Variants in UNC13C observed in about 807,000 individuals in gnomAD.
UNC13C encodes protein unc-13 homolog C.
In UNC13C, 174 loss-of-function variants were observed where a neutral mutation model predicts 245.4. The ratio of observed to expected loss-of-function variants is 0.71; its 90% CI spans 0.63 to 0.80. The LOEUF (loss-of-function observed/expected upper bound fraction) is 0.80. Ranked by LOEUF, UNC13C falls within the 30% of genes least tolerant of loss-of-function variation. The pLI, the probability that UNC13C is intolerant of heterozygous loss-of-function variation, is 0.00. For missense variants in UNC13C, 2,829 were observed against 2,602.9 expected, an observed-to-expected ratio of 1.09 and a Z score of -1.89; for synonymous variants, 992 against 895.1, an observed-to-expected ratio of 1.11 and a Z score of -1.93.
chr15:54,494,733 T>C lies in UNC13C; in HGVS notation c.5059T>C (p.Leu1687=), dbSNP rs775339564. The change falls in exon 20 of 33, where the codon TTG becomes CTG. Residue 1687 remains leucine (L), a splice_region_variant and synonymous_variant. Coordinates refer to ENST00000260323, the MANE Select transcript of UNC13C (RefSeq NM_001080534.3). ...CAAGGATGCTGTTCCTGAATACTCC[T>C]TGTAAGTAGTGATTTTAACACACAC... ...AFKDAVPEYS[L]WFEPFVMQWL... 2 of 1,609,942 alleles carry C rather than the reference T, an allele frequency of 1.2e-6. No individual in the cohort carries two copies. Among genetic ancestry groups the C allele is most frequent in the Admixed American group, 1.7e-5 (1 of 59,286 alleles).
At chr15:54,626,665 C>T (rs11852668) in intron 32 of UNC13C, among the ~76,000 whole-genome samples, 163 bp from the exon 33 acceptor site, 92,480 of 151,862 alleles carry the variant, frequency 0.61, 28,494 homozygotes, top group Middle Eastern at 0.69. Context: ...TTTTAACATT[C>T]GCTTTCTAAG....
chr15:54,423,822 A>C (rs545886784), intron 19 of UNC13C, among the ~76,000 whole-genome samples: 1 of 151,836 alleles, frequency 6.6e-6, no homozygotes, highest in South Asian at 2.1e-4. Flanking sequence ...TTTTCCTGCT[A>C]TTAGTTTTTC....
chr15:54,005,553 T>C (rs1314274932), intron 1 of UNC13C, among the ~76,000 whole-genome samples: 1 of 152,184 alleles, frequency 6.6e-6, no homozygotes, highest in Admixed American at 6.5e-5. Context: ...TGGCATATAA[T>C]AGACATTAAA....
At chr15:54,183,048 A>G (rs934837880) in intron 4 of UNC13C, among the ~76,000 whole-genome samples, 2 of 152,046 alleles carry the variant, frequency 1.3e-5, no homozygotes, top group African/African-American at 4.8e-5. Context: ...AATAAAATAG[A>G]TGATTCAAGC....
Position 54,297,871 on chromosome 15 carries a change from TAAAAG to T in UNC13C, c.4050_4054del (p.Ile1350MetfsTer17), listed in dbSNP as rs1378113070. The T allele has an allele frequency of 6.2e-7, 1 of 1,611,048 alleles. No individual in the cohort carries two copies. Among genetic ancestry groups the T allele is most frequent in the East Asian group, 2.2e-5 (1 of 44,840 alleles). On this transcript the variant is annotated frameshift_variant, in exon 12 of 33. Transcript: ENST00000260323. LOFTEE classifies it high-confidence loss of function. Reference sequence around the variant, plus strand: ...ATACGATTGAAAATCAATGTGGAGATAAAAGGAGAAGAGAAGGTTGCTCCATATCA... The same window carrying T: ...ATACGATTGAAAATCAATGTGGAGATGAGAAGAGAAGGTTGCTCCATATCA...
In UNC13C at chr15:54,304,653, T is replaced by TAAAA. The variant is rs55692010; in HGVS notation, c.4268+4296_4268+4299dup. On this transcript the variant is annotated intron_variant, in intron 13 of 32. Coordinates refer to ENST00000260323, the MANE Select transcript of UNC13C (RefSeq NM_001080534.3). ...TTTCTCTGTTCCTTTGAGATGTAAC[T>TAAAA]AAAAAAAAAAAAAAAAAAACCCTTA... 4.2e-3 allele frequency among the ~76,000 whole-genome samples: 512 copies of TAAAA among 123,292 alleles called. 2 individuals carry two copies. The highest frequency in any genetic ancestry group is 6.2e-3 in the Non-Finnish European group (369 of 59,632). 80.9% of individuals were successfully genotyped at this position (123,292 alleles called of 152,430 possible). A position where few individuals can be genotyped will look rare whatever the true frequency, so the allele number is the denominator to read the frequency against.
chr15:54,156,757 C>A (rs139612922), intron 4 of UNC13C, among the ~76,000 whole-genome samples: 1 of 141,330 alleles, frequency 7.1e-6, no homozygotes, highest in Non-Finnish European at 1.6e-5. Context: ...AGAAGCTGGA[C>A]GGTGCCTGCA....
chr15:54,114,223 C>G (rs971837729), intron 2 of UNC13C, among the ~76,000 whole-genome samples: 1 of 152,134 alleles, frequency 6.6e-6, no homozygotes, highest in Admixed American at 6.5e-5. Context: ...AATAGCCTGC[C>G]ACTGGAATAC....
chr15:54,600,908 C>T (rs1899378165), intron 30 of UNC13C, among the ~76,000 whole-genome samples: 1 of 152,008 alleles, frequency 6.6e-6, no homozygotes, highest in African/African-American at 2.4e-5. Flanking sequence ...AATCTTTTGA[C>T]TTCCCTGGGC....
At chr15:54,089,936 C>G (rs1044565024) in intron 2 of UNC13C, among the ~76,000 whole-genome samples, 1 of 152,152 alleles carries the variant, frequency 6.6e-6, no homozygotes, top group Non-Finnish European at 1.5e-5. Flanking sequence ...TGCTTCGGTC[C>G]TCAGTGGACT....
chr15:54,106,827 C>A (rs1399747966), intron 2 of UNC13C, among the ~76,000 whole-genome samples: 1 of 152,186 alleles, frequency 6.6e-6, no homozygotes, highest in East Asian at 1.9e-4. Flanking sequence ...TTGAAGGTGG[C>A]AGTAGCAGCT....
chr15:54,361,314 T>C (rs1259367552), intron 17 of UNC13C, among the ~76,000 whole-genome samples: 1 of 152,198 alleles, frequency 6.6e-6, no homozygotes, highest in Non-Finnish European at 1.5e-5. Flanking sequence ...TCTTCAATTT[T>C]AAGATTTTTA....
chr15:54,412,328 G>A (rs1168656772), intron 18 of UNC13C, among the ~76,000 whole-genome samples: 2 of 152,166 alleles, frequency 1.3e-5, no homozygotes, highest in African/African-American at 4.8e-5. Flanking sequence ...AAGGCTGAGG[G>A]GAAGCAAGCA....
At chr15:54,609,444 T>C (rs1566937450) in intron 30 of UNC13C, 1 of 152,216 alleles carries the variant, frequency 6.6e-6, no homozygotes, top group East Asian at 1.9e-4. Flanking sequence ...ACATCAGTGA[T>C]GTATGTATTC....
At chr15:54,141,292 T>C (rs867272155) in intron 2 of UNC13C, among the ~76,000 whole-genome samples, 2 of 152,314 alleles carry the variant, frequency 1.3e-5, no homozygotes, top group Middle Eastern at 3.4e-3. Context: ...ATAATTCTTG[T>C]AAAAATAACT....
At chr15:53,997,617 T>C (rs1220200350) in intron 1 of UNC13C, among the ~76,000 whole-genome samples, 2 of 152,138 alleles carry the variant, frequency 1.3e-5, no homozygotes, top group Non-Finnish European at 2.9e-5. Flanking sequence ...ATTGAAAATA[T>C]CCTAATTGAA....
intron 19 of UNC13C, 25 bp downstream of exon 19, chr15:54,415,092 T>C (rs756327341): frequency 6.6e-7 from 1 of 1,509,616 alleles, no homozygotes; most frequent in Admixed American, 1.8e-5. Context: ...TTATACTTAT[T>C]CGAATACATG....
chr15:53,961,230 G>C, the UNC13C span, among the ~76,000 whole-genome samples: 3 of 152,356 alleles, frequency 2.0e-5, no homozygotes, highest in African/African-American at 7.2e-5. Context: ...CCCAAGGCTT[G>C]CCCACTGGCA....
At chr15:54,470,290 C>A (rs905772876) in intron 19 of UNC13C, among the ~76,000 whole-genome samples, 2 of 151,410 alleles carry the variant, frequency 1.3e-5, no homozygotes, top group Non-Finnish European at 3.0e-5. Flanking sequence ...CCTACCTCTT[C>A]AATATTTGGA....
Sources: allele counts gnomAD v4.1 joint callset (sites outside exome capture counted in the v4.1 genomes callset), GRCh38; gene constraint gnomAD v4.1.1; transcripts MANE v1.5; gene names NCBI Gene and HGNC (gene_info 2026-07-23, HGNC 2026-07-21).